Variants in CNTN4 observed in about 807,000 individuals in gnomAD.
The protein encoded by CNTN4 is contactin-4.
In CNTN4, 77 loss-of-function variants were observed where a neutral mutation model predicts 122.5. The observed-to-expected ratio is 0.63, with a 90% CI of 0.52 to 0.76. The LOEUF (loss-of-function observed/expected upper bound fraction) is 0.76, where lower values mean the gene tolerates loss of function less well. Among genes scored for constraint, CNTN4 ranks in the 30% least tolerant of loss-of-function variants. CNTN4 has a pLI of 0.00. For synonymous variants in CNTN4, 512 were observed against 447.0 expected (o/e 1.15, Z -1.83); for missense variants, 1,256 against 1,259.1 (o/e 1.00, Z 0.04).
Position 2,139,494 on chromosome 3 carries a change from A to C in CNTN4, c.-145+38855A>C, listed in dbSNP as rs188412870. Among the ~76,000 whole-genome samples the C allele has an allele frequency of 2.3e-3, 357 of 152,362 alleles. 1 individual carries two copies. Among genetic ancestry groups the C allele is most frequent in the African/African-American group, 8.3e-3 (345 of 41,592 alleles). On this transcript the variant is annotated intron_variant, in intron 2 of 24. Coordinates refer to ENST00000418658, the MANE Select transcript of CNTN4 (RefSeq NM_175607.3). ...TTCATGACGCACATTTTATTACAGC[A>C]ATGGCTATGAACCCAGCTTTGCAAA...
intron 2 of CNTN4, among the ~76,000 whole-genome samples, chr3:2,286,243 C>CCG (rs978124484): frequency 1.2e-4 from 16 of 139,070 alleles, no homozygotes; most frequent in African/African-American, 4.0e-4. Context: ...CCTGCCCCCC[C>CCG]CACAACATAC....
Position 2,545,801 on chromosome 3 carries a change from T to C in CNTN4, c.-88-25615T>C, listed in dbSNP as rs147528777. On this transcript the variant is annotated intron_variant, in intron 3 of 24. Transcript: ENST00000418658. ...GGCCTCTCTTGAAGACAGCATATCA[T>C]TGGGTCTTGCTTTGTTATCCACCTT... Among the ~76,000 whole-genome samples the C allele has an allele frequency of 5.4e-4, 82 of 152,180 alleles. No homozygotes were observed. The East Asian group carries it at 0.015, about 27-fold the overall frequency.
intron 23 of CNTN4, among the ~76,000 whole-genome samples, chr3:3,048,256 AT>A: frequency 6.6e-6 from 1 of 152,336 alleles, no homozygotes. Flanking sequence ...AAAAAATACA[AT>A]GAAAATGACA....
intron 8 of CNTN4, among the ~76,000 whole-genome samples, chr3:2,875,290 T>G (rs1179820177): frequency 6.6e-6 from 1 of 152,154 alleles, no homozygotes; most frequent in Non-Finnish European, 1.5e-5. Flanking sequence ...GACAGTTGTA[T>G]CTTATCTTTA....
chr3:2,669,392 G>A (rs1281094659), intron 4 of CNTN4, among the ~76,000 whole-genome samples: 1 of 152,192 alleles, frequency 6.6e-6, no homozygotes, highest in Non-Finnish European at 1.5e-5. Context: ...GGTGTTTATA[G>A]TATTCTCTGA....
At chr3:2,855,620 G>A (rs1363928292) in intron 7 of CNTN4, among the ~76,000 whole-genome samples, 1 of 152,150 alleles carries the variant, frequency 6.6e-6, no homozygotes. Flanking sequence ...ATTCAGTCCA[G>A]GTGTTCCTGT....
intron 2 of CNTN4, among the ~76,000 whole-genome samples, chr3:2,305,830 A>G (rs1184461065): frequency 1.3e-5 from 2 of 152,280 alleles, no homozygotes; most frequent in East Asian, 1.9e-4. Flanking sequence ...CCAATGTACA[A>G]TCTGCCTGTA....
At chr3:2,139,893 C>T (rs923631401) in intron 2 of CNTN4, among the ~76,000 whole-genome samples, 9 of 152,232 alleles carry the variant, frequency 5.9e-5, no homozygotes, top group African/African-American at 9.6e-5. Flanking sequence ...TACGGTTTGT[C>T]TGTGTACCCA....
At chr3:2,251,115 C>G (rs1010131452) in intron 2 of CNTN4, among the ~76,000 whole-genome samples, 1 of 151,728 alleles carries the variant, frequency 6.6e-6, no homozygotes, top group Non-Finnish European at 1.5e-5. Flanking sequence ...ATCATCTGAC[C>G]AATTATTAAA....
intron 2 of CNTN4, among the ~76,000 whole-genome samples, chr3:2,169,445 C>T (rs1241842176): frequency 6.6e-6 from 1 of 151,978 alleles, no homozygotes; most frequent in Admixed American, 6.6e-5. Flanking sequence ...CTGGCTCTGT[C>T]ACTCAGGCTG....
chr3:2,540,111 T>A (rs2077974628), intron 3 of CNTN4, among the ~76,000 whole-genome samples: 1 of 151,928 alleles, frequency 6.6e-6, no homozygotes, highest in African/African-American at 2.4e-5. Flanking sequence ...GCAAATATTT[T>A]TTCAGCTAAC....
At chr3:2,817,865 C>T (rs2150223524) in intron 6 of CNTN4, among the ~76,000 whole-genome samples, 1 of 152,302 alleles carries the variant, frequency 6.6e-6, no homozygotes, top group South Asian at 2.1e-4. Flanking sequence ...TTTTTAAAAT[C>T]CTGGTTTAAT....
chr3:2,105,629 C>A (rs979757401), intron 2 of CNTN4, among the ~76,000 whole-genome samples: 1 of 152,164 alleles, frequency 6.6e-6, no homozygotes, highest in Non-Finnish European at 1.5e-5. Flanking sequence ...GCAATCACCT[C>A]CTACCAGGTC....
At chr3:2,547,264 ATTTATTTATT>A (rs2078286181) in intron 3 of CNTN4, among the ~76,000 whole-genome samples, 4 of 134,482 alleles carry the variant, frequency 3.0e-5, no homozygotes, top group African/African-American at 5.1e-5. Flanking sequence ...TTATTTATTT[ATTTATTTATT>A]TATTTTGAGA....
intron 2 of CNTN4, among the ~76,000 whole-genome samples, chr3:2,327,759 T>C (rs756073956): frequency 7.2e-5 from 11 of 152,192 alleles, no homozygotes; most frequent in Non-Finnish European, 1.5e-5. Context: ...AAGCAGGGAC[T>C]ATATTTGGAA....
chr3:2,249,092 A>G (rs1487596008), intron 2 of CNTN4, among the ~76,000 whole-genome samples: 1 of 151,894 alleles, frequency 6.6e-6, no homozygotes, highest in Non-Finnish European at 1.5e-5. Context: ...TTGAAACATC[A>G]CTATGTATCT....
chr3:2,797,676 C>T (rs1048099420), intron 6 of CNTN4, among the ~76,000 whole-genome samples: 3 of 152,162 alleles, frequency 2.0e-5, no homozygotes, highest in Non-Finnish European at 4.4e-5. Flanking sequence ...CCCTTTACTG[C>T]AAAGTTTTTT....
At chr3:2,915,380 T>C (rs2094342480) in intron 12 of CNTN4, among the ~76,000 whole-genome samples, 1 of 152,214 alleles carries the variant, frequency 6.6e-6, no homozygotes, top group South Asian at 2.1e-4. Context: ...TCAATACCTT[T>C]TCATGACAAA....
At chr3:2,878,553 C>CTGTGTGTTTGTGTG (rs1553677428) in intron 8 of CNTN4, among the ~76,000 whole-genome samples, 1 of 146,844 alleles carries the variant, frequency 6.8e-6, no homozygotes, top group Non-Finnish European at 1.5e-5. Flanking sequence ...GAGATGCTCT[C>CTGTGTGTTTGTGTG]TGTGTGTGTG....
Sources: gnomAD v4.1 joint callset for allele counts (sites outside exome capture counted in the v4.1 genomes callset) on GRCh38, gnomAD v4.1.1 for gene constraint, MANE v1.5 for transcripts, NCBI Gene and HGNC (gene_info 2026-07-23, HGNC 2026-07-21) for gene names.